Variants in NUBPL observed in about 807,000 individuals in gnomAD.
The protein encoded by NUBPL is NUBP iron-sulfur cluster assembly factor, mitochondrial, also known as iron-sulfur cluster transfer protein NUBPL.
Under a neutral mutation model 45.7 loss-of-function variants are expected in NUBPL, and 31 were observed. The ratio of observed to expected loss-of-function variants is 0.68; its 90% CI spans 0.51 to 0.92. The LOEUF (loss-of-function observed/expected upper bound fraction) is 0.92, where lower values mean the gene tolerates loss of function less well. Ranked by LOEUF, NUBPL falls within the 40% of genes least tolerant of loss-of-function variation. The pLI is 0.00. For synonymous variants in NUBPL, 144 were observed against 140.9 expected, an observed-to-expected ratio of 1.02 and a Z score of -0.15; for missense variants, 401 against 398.7, an observed-to-expected ratio of 1.01 and a Z score of -0.05.
intron 8 of NUBPL, among the ~76,000 whole-genome samples, chr14:31,828,431 A>G (rs976505329): frequency 2.6e-5 from 4 of 152,208 alleles, no homozygotes; most frequent in Non-Finnish European, 5.9e-5. Flanking sequence ...CCAATTGTCT[A>G]TTAAGATCAC....
intron 7 of NUBPL, among the ~76,000 whole-genome samples, chr14:31,816,657 G>C (rs547793311): frequency 3.3e-5 from 5 of 152,166 alleles, no homozygotes; most frequent in Admixed American, 1.3e-4. Context: ...GCTTTCTCCT[G>C]TGGGCATTTA....
At chr14:31,706,426 A>C (rs533231936) in intron 6 of NUBPL, among the ~76,000 whole-genome samples, 6 of 152,342 alleles carry the variant, frequency 3.9e-5, no homozygotes, top group African/African-American at 1.2e-4. Flanking sequence ...AGAAGGTTAA[A>C]AATACAGGGT....
chr14:31,734,687 T>C (rs1276036621), intron 6 of NUBPL, among the ~76,000 whole-genome samples: 1 of 152,198 alleles, frequency 6.6e-6, no homozygotes, highest in Non-Finnish European at 1.5e-5. Context: ...AATATACGTG[T>C]CTATGAGTTT....
intron 7 of NUBPL, among the ~76,000 whole-genome samples, chr14:31,820,315 C>T (rs989745144): frequency 1.3e-5 from 2 of 151,984 alleles, no homozygotes; most frequent in African/African-American, 4.8e-5. Flanking sequence ...TCTATCAGTC[C>T]CTTCATCACA....
intron 8 of NUBPL, among the ~76,000 whole-genome samples, chr14:31,834,391 G>A (rs982512590): frequency 4.6e-5 from 7 of 152,138 alleles, no homozygotes; most frequent in East Asian, 3.9e-4. Flanking sequence ...GTGTTAGCCA[G>A]GATGGTCTCG....
At chr14:31,688,659 T>TTTG (rs1555328434) in intron 6 of NUBPL, among the ~76,000 whole-genome samples, 6 of 38,308 alleles carry the variant, frequency 1.6e-4, no homozygotes, top group Admixed American at 4.5e-4. Context: ...TTTGTTGTTG[T>TTTG]TTTTTTTTTT....
chr14:31,811,904 C>T (rs921514635), intron 7 of NUBPL, among the ~76,000 whole-genome samples: 1 of 152,158 alleles, frequency 6.6e-6, no homozygotes, highest in African/African-American at 2.4e-5. Context: ...TTTGATTTTG[C>T]TAGAAGTCCA....
chr14:31,756,711 G>T (rs1425075659), intron 6 of NUBPL, among the ~76,000 whole-genome samples: 1 of 150,792 alleles, frequency 6.6e-6, no homozygotes, highest in African/African-American at 2.4e-5. Context: ...CTGCCTAATT[G>T]CCCTGGCCAG....
Position 31,841,917 on chromosome 14 carries a change from C to CTTTTGTTTTTGTTTTTTTTTTTTTTTT in NUBPL, c.694-4550_694-4549insGTTTTTGTTTTTTTTTTTTTTTTTTTT. Among the ~76,000 whole-genome samples, 10 of 43,050 alleles carry CTTTTGTTTTTGTTTTTTTTTTTTTTTT rather than the reference C, an allele frequency of 2.3e-4. 1 individual carries two copies. The highest frequency in any genetic ancestry group is 9.7e-4 in the South Asian group (1 of 1,032). 28.2% of individuals were successfully genotyped at this position (43,050 alleles called of 152,430 possible). On this transcript the variant is annotated intron_variant, in intron 8 of 10. Coordinates refer to ENST00000281081, the MANE Select transcript of NUBPL (RefSeq NM_025152.3). Reference sequence around the variant, plus strand: ...CTTTCATGTATGGGTCGATTCTGGGCTTTTTTTTTTTTTTTTTTTTTTTTT... The same window carrying CTTTTGTTTTTGTTTTTTTTTTTTTTTT: ...CTTTCATGTATGGGTCGATTCTGGGCTTTTGTTTTTGTTTTTTTTTTTTTTTTTTTTTTTTTTTTTTTTTTTTTTTTT...
chr14:31,637,087 C>T (rs2154094), intron 4 of NUBPL, among the ~76,000 whole-genome samples: 25,063 of 152,042 alleles, frequency 0.16, 5,906 homozygotes, highest in African/African-American at 0.53. Context: ...TCTCTATTTC[C>T]TTCAGTTCTG....
At chr14:31,791,235 G>T (rs2039376528) in intron 7 of NUBPL, among the ~76,000 whole-genome samples, 1 of 152,166 alleles carries the variant, frequency 6.6e-6, no homozygotes, top group South Asian at 2.1e-4. Context: ...CTGTGTTCAT[G>T]CTATTGCACT....
intron 6 of NUBPL, among the ~76,000 whole-genome samples, chr14:31,732,269 C>T (rs1291527283): frequency 6.6e-6 from 1 of 151,728 alleles, no homozygotes; most frequent in Non-Finnish European, 1.5e-5. Context: ...GCTGACCTCA[C>T]TGTCCACTCC....
chr14:31,689,911 A>G (rs2037053408), intron 6 of NUBPL, among the ~76,000 whole-genome samples: 2 of 133,744 alleles, frequency 1.5e-5, no homozygotes, highest in Non-Finnish European at 3.1e-5. Context: ...CACTTATTGA[A>G]TAGGGAGTCC....
chr14:31,622,550 C>G (rs1346836731), intron 4 of NUBPL, among the ~76,000 whole-genome samples: 1 of 152,162 alleles, frequency 6.6e-6, no homozygotes, highest in African/African-American at 2.4e-5. Context: ...CAGGACTCCA[C>G]TGGTCTTTGC....
At chr14:31,812,353 C>T (rs1237596483) in intron 7 of NUBPL, among the ~76,000 whole-genome samples, 1 of 152,210 alleles carries the variant, frequency 6.6e-6, no homozygotes, top group Non-Finnish European at 1.5e-5. Context: ...CAATGGCAGA[C>T]GCCCCTCCCC....
At chr14:31,755,983 A>C (rs1320347282) in intron 6 of NUBPL, among the ~76,000 whole-genome samples, 1 of 152,042 alleles carries the variant, frequency 6.6e-6, no homozygotes, top group Non-Finnish European at 1.5e-5. Context: ...TATTTTTCTC[A>C]GGTTTGTCAA....
intron 4 of NUBPL, among the ~76,000 whole-genome samples, chr14:31,643,296 C>T (rs182611098): frequency 6.6e-5 from 10 of 151,938 alleles, no homozygotes; most frequent in East Asian, 1.9e-4. Context: ...GTGGGTTATA[C>T]GGCCTTTATT....
chr14:31,834,547 G>A (rs1019659307), intron 8 of NUBPL, among the ~76,000 whole-genome samples: 2 of 152,072 alleles, frequency 1.3e-5, no homozygotes, highest in African/African-American at 2.4e-5. Flanking sequence ...AAAATTAGAC[G>A]ATCTTTATTA....
Position 31,561,465 on chromosome 14 carries a change from T to C in NUBPL, c.26T>C (p.Leu9Pro), listed in dbSNP as rs754678322. The C allele has an allele frequency of 7.0e-7, 1 of 1,419,364 alleles. No homozygotes were observed. The highest frequency in any genetic ancestry group is 9.3e-7 in the Non-Finnish European group (1 of 1,076,946). The allele number at this position is 1,419,364 out of a possible 1,614,324, so 87.9% of individuals were successfully genotyped here. A position where few individuals can be genotyped will look rare whatever the true frequency, so the allele number is the denominator to read the frequency against. ...ATGGGGATTTGGCAGCGTCTGCTGC[T>C]TTTTGGTGGGGTGTCGCTCCGGGCT... Reference protein sequence around the residue: MGIWQRLLLFGGVSLRAGG... With the variant: MGIWQRLLPFGGVSLRAGG... The change falls in exon 1 of 11, where the codon CTT becomes CCT. Residue 9 changes from leucine to proline, a missense_variant. Leu to Pro is a moderately conservative substitution (Grantham distance 98). Coordinates refer to ENST00000281081, the MANE Select transcript of NUBPL (RefSeq NM_025152.3).
Sources: gnomAD v4.1 joint callset for allele counts (sites outside exome capture counted in the v4.1 genomes callset) on GRCh38, gnomAD v4.1.1 for gene constraint, MANE v1.5 for transcripts, NCBI Gene and HGNC (gene_info 2026-07-23, HGNC 2026-07-21) for gene names.